The following PLXDC2 variants were observed in gnomAD, a reference collection of about 807,000 sequenced individuals.
The protein encoded by PLXDC2 is plexin domain-containing protein 2.
Under a neutral mutation model 68.9 loss-of-function variants are expected in PLXDC2, and 40 were observed. That is an observed-to-expected ratio of 0.58 (90% CI 0.45 to 0.76). The LOEUF (loss-of-function observed/expected upper bound fraction) is 0.76. Ranked by LOEUF, PLXDC2 falls within the 30% of genes least tolerant of loss-of-function variation. The probability of loss-of-function intolerance (pLI) is 0.00; values close to 1 mark genes in which losing one functional copy is unlikely to be tolerated. For synonymous variants in PLXDC2, 243 were observed against 234.2 expected (o/e 1.04, Z -0.34); for missense variants, 644 against 661.9 (o/e 0.97, Z 0.30).
chr10:19,864,949 G>A (rs146335667), intron 1 of PLXDC2, among the ~76,000 whole-genome samples: 1 of 152,196 alleles, frequency 6.6e-6, no homozygotes, highest in South Asian at 2.1e-4. Flanking sequence ...GCCAGGAAGA[G>A]AGGCATTCTT....
At chr10:19,982,776 T>C (rs980475625) in intron 1 of PLXDC2, among the ~76,000 whole-genome samples, 2 of 152,132 alleles carry the variant, frequency 1.3e-5, no homozygotes, top group African/African-American at 4.8e-5. Context: ...GGATACACAA[T>C]ATAGGATTAT....
chr10:19,964,853 C>T (rs1186513285), intron 1 of PLXDC2, among the ~76,000 whole-genome samples: 3 of 152,070 alleles, frequency 2.0e-5, no homozygotes, highest in Non-Finnish European at 4.4e-5. Context: ...CTTTCCAGCT[C>T]CAGATCTCCC....
chr10:20,163,055 A>G (rs1834327143), intron 6 of PLXDC2, among the ~76,000 whole-genome samples: 1 of 151,768 alleles, frequency 6.6e-6, no homozygotes, highest in Non-Finnish European at 1.5e-5. Flanking sequence ...AGACTGTCCC[A>G]AAAATAAAAA....
chr10:20,217,977 A>G (rs920262873), intron 11 of PLXDC2, among the ~76,000 whole-genome samples: 4 of 152,186 alleles, frequency 2.6e-5, no homozygotes, highest in African/African-American at 9.7e-5. Flanking sequence ...GATTCTGAAC[A>G]ATAAATAATT....
chr10:19,956,558 A>T (rs1220272213), intron 1 of PLXDC2, among the ~76,000 whole-genome samples: 2 of 152,230 alleles, frequency 1.3e-5, no homozygotes, highest in African/African-American at 2.4e-5. Flanking sequence ...TTGTGAATTT[A>T]CAAATCTCTG....
At chr10:20,149,827 G>A (rs1339205381) in intron 6 of PLXDC2, among the ~76,000 whole-genome samples, 1 of 152,042 alleles carries the variant, frequency 6.6e-6, no homozygotes, top group Non-Finnish European at 1.5e-5. Context: ...TCATTGGTGG[G>A]CATTTAGGTT....
chr10:19,841,023 G>A (rs1836894057), intron 1 of PLXDC2, among the ~76,000 whole-genome samples: 1 of 152,146 alleles, frequency 6.6e-6, no homozygotes, highest in Non-Finnish European at 1.5e-5. Flanking sequence ...TTCCTCAGCT[G>A]TCTAGAATAG....
intron 1 of PLXDC2, among the ~76,000 whole-genome samples, chr10:19,872,822 A>C (rs1045336595): frequency 6.6e-6 from 1 of 152,124 alleles, no homozygotes; most frequent in African/African-American, 2.4e-5. Flanking sequence ...GTCAACCCAA[A>C]TGTAAAAAAA....
chr10:20,204,144 A>G (rs1431207625), intron 9 of PLXDC2, among the ~76,000 whole-genome samples: 6 of 152,096 alleles, frequency 3.9e-5, no homozygotes, highest in Admixed American at 3.9e-4. Flanking sequence ...GTACTTGTCC[A>G]TTTCATGCCT....
chr10:20,072,531 GAAAGAAAGAAAGA>G lies in PLXDC2; in HGVS notation c.541+4295_541+4307del, dbSNP rs1165792752. On this transcript the variant is annotated intron_variant, in intron 4 of 13. Coordinates refer to ENST00000377252, the MANE Select transcript of PLXDC2 (RefSeq NM_032812.9). Reference sequence around the variant, plus strand: ...AGAAAGAAAGAAAGAAAGAAAGAAAGAAAGAAAGAAAGAAAGAAAGAAAAGGAAAGAAAGGAAG... The same window carrying G: ...AGAAAGAAAGAAAGAAAGAAAGAAAGAAGAAAGAAAAGGAAAGAAAGGAAG... Among the ~76,000 whole-genome samples, 162 of 105,494 alleles carry G rather than the reference GAAAGAAAGAAAGA, an allele frequency of 1.5e-3. 3 individuals carry two copies. Among genetic ancestry groups the G allele is most frequent in the African/African-American group, 0.01 (140 of 13,764 alleles). 69.2% of individuals were successfully genotyped at this position (105,494 alleles called of 152,430 possible).
intron 3 of PLXDC2, among the ~76,000 whole-genome samples, chr10:20,049,207 A>G (rs1006219746): frequency 1.3e-5 from 2 of 152,086 alleles, no homozygotes; most frequent in African/African-American, 4.8e-5. Flanking sequence ...GAAGGAACAT[A>G]CCTCAAAGTA....
In PLXDC2 at chr10:20,162,147, AAAGG is replaced by A. The variant is rs201357088; in HGVS notation, c.784-2305_784-2302del. ...AGGAAGGAAAGAAAGAAGGAAAGAAAAAGGAAGGAAGGAAGGAAGAGAAAAGAAG... is the reference window on the plus strand; with the variant it reads ...AGGAAGGAAAGAAAGAAGGAAAGAAAAAGGAAGGAAGGAAGAGAAAAGAAG... On this transcript the variant is annotated intron_variant, in intron 6 of 13. Transcript: ENST00000377252. 3.1e-3 allele frequency among the ~76,000 whole-genome samples: 466 copies of A among 150,820 alleles called. 1 individual carries two copies. The highest frequency in any genetic ancestry group is 9.8e-3 in the African/African-American group (402 of 40,966).
At chr10:20,016,709 C>T (rs1835219039) in intron 2 of PLXDC2, among the ~76,000 whole-genome samples, 1 of 152,198 alleles carries the variant, frequency 6.6e-6, no homozygotes, top group Non-Finnish European at 1.5e-5. Flanking sequence ...CCTCAATAAC[C>T]TATGCTGATC....
intron 13 of PLXDC2, among the ~76,000 whole-genome samples, chr10:20,250,427 A>G (rs1044183209): frequency 6.6e-6 from 1 of 152,150 alleles, no homozygotes; most frequent in African/African-American, 2.4e-5. Context: ...AACAGCCAAC[A>G]TTTATCAAAT....
chr10:19,974,752 G>A (rs1308026268), intron 1 of PLXDC2, among the ~76,000 whole-genome samples: 1 of 152,162 alleles, frequency 6.6e-6, no homozygotes, highest in Non-Finnish European at 1.5e-5. Flanking sequence ...AACCTAGTTG[G>A]CATTCAATAG....
chr10:19,917,034 T>G (rs1833381013), intron 1 of PLXDC2, among the ~76,000 whole-genome samples: 1 of 152,308 alleles, frequency 6.6e-6, no homozygotes, highest in South Asian at 2.1e-4. Context: ...CACTGGTAGG[T>G]GTGGCTTTTG....
At chr10:19,836,257 G>A (rs1836790259) in intron 1 of PLXDC2, among the ~76,000 whole-genome samples, 1 of 151,980 alleles carries the variant, frequency 6.6e-6, no homozygotes, top group Non-Finnish European at 1.5e-5. Context: ...AGAGAAGAGA[G>A]GGTTTTTTGC....
chr10:19,837,376 T>C (rs1836814317), intron 1 of PLXDC2, among the ~76,000 whole-genome samples: 1 of 143,944 alleles, frequency 6.9e-6, no homozygotes, highest in African/African-American at 2.5e-5. Flanking sequence ...TGTTTTCTCA[T>C]TGAGTAAGTG....
chr10:20,229,024 G>T (rs1235860388), intron 12 of PLXDC2, among the ~76,000 whole-genome samples: 1 of 152,114 alleles, frequency 6.6e-6, no homozygotes, highest in Non-Finnish European at 1.5e-5. Flanking sequence ...AGGACAGACT[G>T]CTTTTTCAAG....
Sources: allele counts gnomAD v4.1 joint callset (sites outside exome capture counted in the v4.1 genomes callset), GRCh38; gene constraint gnomAD v4.1.1; transcripts MANE v1.5; gene names NCBI Gene and HGNC (gene_info 2026-07-23, HGNC 2026-07-21).